The following DENND2A variants were observed in gnomAD, a reference collection of about 807,000 sequenced individuals.
DENND2A encodes the protein DENN domain-containing protein 2A.
A neutral mutation model predicts 105.3 loss-of-function variants in DENND2A; 53 were observed. That is an observed-to-expected ratio of 0.50 (90% CI 0.40 to 0.63). DENND2A has a LOEUF of 0.63. Ranked by LOEUF, DENND2A falls within the 30% of genes least tolerant of loss-of-function variation. The pLI, the probability that DENND2A is intolerant of heterozygous loss-of-function variation, is 0.00. For synonymous variants in DENND2A, 522 were observed against 508.4 expected (o/e 1.03, Z -0.36); for missense variants, 1,138 against 1,279.6 (o/e 0.89, Z 1.69).
chr7:140,620,517 A>G (rs1800247997), intron 1 of DENND2A, among the ~76,000 whole-genome samples: 1 of 152,152 alleles, frequency 6.6e-6, no homozygotes, highest in African/African-American at 2.4e-5. Flanking sequence ...CCCCCCCACC[A>G]GATTTCCAAA....
intron 3 of DENND2A, among the ~76,000 whole-genome samples, chr7:140,595,766 TAA>T (rs957024730): frequency 2.8e-5 from 4 of 141,894 alleles, no homozygotes; most frequent in African/African-American, 2.6e-5. Context: ...AGACCCTGTT[TAA>T]AAAAAAAAAA....
rs575888828 is a variant in DENND2A, at chr7:140,542,415, T to C, written c.2327+2203A>G. Among the ~76,000 whole-genome samples, 3 of 152,222 alleles carry C rather than the reference T, an allele frequency of 2.0e-5. No individual in the cohort carries two copies. In the South Asian group the frequency reaches 6.2e-4, roughly 32 times the overall value. Reference sequence around the variant, plus strand: ...GATTTGCTTTAACGGTGAGGAGGGATGCCCTCACGATGGTCTGTCCTCTTG... The same window carrying C: ...GATTTGCTTTAACGGTGAGGAGGGACGCCCTCACGATGGTCTGTCCTCTTG... On this transcript the variant is annotated intron_variant, in intron 14 of 19. Coordinates refer to ENST00000496613, the MANE Select transcript of DENND2A (RefSeq NM_015689.5).
At chr7:140,572,326 G>A (rs1385434300) in intron 6 of DENND2A, among the ~76,000 whole-genome samples, 1 of 151,924 alleles carries the variant, frequency 6.6e-6, no homozygotes, top group Non-Finnish European at 1.5e-5. Context: ...TTTCTTTCAG[G>A]TCAATGGGTC....
intron 12 of DENND2A, among the ~76,000 whole-genome samples, chr7:140,552,281 A>G (rs923685217): frequency 6.6e-6 from 1 of 151,684 alleles, no homozygotes; most frequent in Non-Finnish European, 1.5e-5. Context: ...GATAGCATTC[A>G]TTTTCTTTCT....
intron 11 of DENND2A, among the ~76,000 whole-genome samples, chr7:140,556,631 C>T (rs902490052): frequency 6.6e-6 from 1 of 152,214 alleles, no homozygotes; most frequent in Non-Finnish European, 1.5e-5. Flanking sequence ...TGAGCCTGTG[C>T]CCGACCTCAG....
intron 14 of DENND2A, among the ~76,000 whole-genome samples, chr7:140,535,911 T>C (rs886529675): frequency 9.2e-5 from 14 of 152,090 alleles, no homozygotes; most frequent in Non-Finnish European, 1.5e-5. Flanking sequence ...CTACAAACGA[T>C]GAACCCAGAA....
chr7:140,618,455 A>G (rs554298069), intron 1 of DENND2A, among the ~76,000 whole-genome samples: 4 of 152,296 alleles, frequency 2.6e-5, no homozygotes, highest in African/African-American at 7.2e-5. Flanking sequence ...ACAGAAATCA[A>G]TGTTAGTGTT....
intron 1 of DENND2A, among the ~76,000 whole-genome samples, chr7:140,629,419 A>G (rs992160717): frequency 6.6e-6 from 1 of 152,144 alleles, no homozygotes; most frequent in Non-Finnish European, 1.5e-5. Context: ...CAGTGCATGG[A>G]GTAAAGAACA....
chr7:140,575,933 C>T (rs1056802299), intron 5 of DENND2A, among the ~76,000 whole-genome samples: 9 of 150,960 alleles, frequency 6.0e-5, no homozygotes, highest in East Asian at 3.9e-4. Context: ...CACACAACTG[C>T]ACCCCCGCCT....
intron 1 of DENND2A, among the ~76,000 whole-genome samples, chr7:140,611,251 GC>G (rs1445538663): frequency 6.6e-6 from 1 of 152,100 alleles, no homozygotes; most frequent in African/African-American, 2.4e-5. Flanking sequence ...TATAAAATGG[GC>G]TGGGTACAGT....
In DENND2A at chr7:140,541,647, C is replaced by A. The variant is rs75834410; in HGVS notation, c.2327+2971G>T. Among the ~76,000 whole-genome samples the A allele has an allele frequency of 6.2e-3, 942 of 152,340 alleles. 7 individuals are homozygous for A. The highest frequency in any genetic ancestry group is 0.021 in the African/African-American group (876 of 41,574). ...CTCATCCTGGCTTCCAGGGCTCCAA[C>A]CTTGAGAACTCCCTGGGCTGAATTC... is the stretch of plus-strand genomic sequence containing the variant. On this transcript the variant is annotated intron_variant, in intron 14 of 19. Coordinates refer to ENST00000496613, the MANE Select transcript of DENND2A (RefSeq NM_015689.5).
chr7:140,557,707 T>C (rs1299559426), intron 11 of DENND2A, among the ~76,000 whole-genome samples: 4 of 146,450 alleles, frequency 2.7e-5, no homozygotes, highest in African/African-American at 9.9e-5. Flanking sequence ...GCCCGGCTAA[T>C]TTTTGTATTT....
intron 3 of DENND2A, among the ~76,000 whole-genome samples, chr7:140,597,418 A>G (rs914129391): frequency 6.6e-6 from 1 of 152,214 alleles, no homozygotes; most frequent in Non-Finnish European, 1.5e-5. Context: ...ATAGGACCAC[A>G]ATAAAGAGCA....
intron 14 of DENND2A, among the ~76,000 whole-genome samples, chr7:140,537,734 G>A (rs564114213): frequency 2.2e-4 from 34 of 152,220 alleles, no homozygotes; most frequent in Non-Finnish European, 4.9e-4. Context: ...AAACTCCTGG[G>A]CTCAAGCAAT....
chr7:140,616,516 GGTT>G (rs1016424458), intron 1 of DENND2A, among the ~76,000 whole-genome samples: 1 of 152,006 alleles, frequency 6.6e-6, no homozygotes, highest in African/African-American at 2.4e-5. Flanking sequence ...ATAGAGTGGT[GGTT>G]GTTACACAAC....
chr7:140,564,272 G>C (rs1283928288), intron 9 of DENND2A, among the ~76,000 whole-genome samples: 1 of 121,958 alleles, frequency 8.2e-6, no homozygotes, highest in African/African-American at 3.7e-5. Context: ...AATAGAGTGA[G>C]ACTGTGTCAA....
intron 14 of DENND2A, among the ~76,000 whole-genome samples, chr7:140,542,565 C>CTTT (rs771623397): frequency 3.6e-5 from 4 of 111,996 alleles, no homozygotes; most frequent in East Asian, 4.7e-4. Flanking sequence ...TTTTCTCTCT[C>CTTT]TTTTTTTTTT....
At chr7:140,566,887 G>A (rs1046054378) in intron 9 of DENND2A, among the ~76,000 whole-genome samples, 199 bp downstream of exon 9, 3 of 151,948 alleles carry the variant, frequency 2.0e-5, no homozygotes, top group African/African-American at 7.2e-5. Flanking sequence ...TTAAGTCCCT[G>A]AATCTCTCCT....
chr7:140,589,956 CAAATTTCG>C (rs1798941838), intron 3 of DENND2A, among the ~76,000 whole-genome samples: 1 of 152,114 alleles, frequency 6.6e-6, no homozygotes. Flanking sequence ...TTGTATAGGT[CAAATTTCG>C]AAATGATAAA....
Sources: allele counts gnomAD v4.1 joint callset (sites outside exome capture counted in the v4.1 genomes callset), GRCh38; gene constraint gnomAD v4.1.1; transcripts MANE v1.5; gene names NCBI Gene and HGNC (gene_info 2026-07-23, HGNC 2026-07-21).